FAM184B: variants seen among roughly 807,000 people sequenced by gnomAD.
FAM184B encodes family with sequence similarity 184 member B, also known as protein FAM184B.
A neutral mutation model predicts 135.9 loss-of-function variants in FAM184B; 111 were observed. The observed-to-expected ratio is 0.82, with a 90% CI of 0.70 to 0.96. FAM184B has a LOEUF of 0.96. Ranked by LOEUF, FAM184B falls within the 40% of genes least tolerant of loss-of-function variation. The probability of loss-of-function intolerance (pLI) is 0.00; values close to 1 mark genes in which losing one functional copy is unlikely to be tolerated. For synonymous variants in FAM184B, 552 were observed against 524.8 expected (o/e 1.05, Z -0.71); for missense variants, 1,375 against 1,323.9 (o/e 1.04, Z -0.60).
At chr4:17,694,317 A>T (rs931743748) in intron 5 of FAM184B, among the ~76,000 whole-genome samples, 3 of 152,120 alleles carry the variant, frequency 2.0e-5, no homozygotes, top group Non-Finnish European at 2.9e-5. Context: ...AGGTCAGCAG[A>T]TCGAGACCAT....
intron 5 of FAM184B, among the ~76,000 whole-genome samples, chr4:17,703,128 G>A (rs1277756893): frequency 6.6e-6 from 1 of 152,154 alleles, no homozygotes; most frequent in East Asian, 1.9e-4. Flanking sequence ...GTGTTCTAAA[G>A]TATGAGGTAC....
At chr4:17,761,362 C>A (rs963358916) in intron 1 of FAM184B, among the ~76,000 whole-genome samples, 2 of 152,180 alleles carry the variant, frequency 1.3e-5, no homozygotes, top group Admixed American at 6.5e-5. Flanking sequence ...CTGCCAGTAC[C>A]TTGAGCTTGG....
intron 7 of FAM184B, among the ~76,000 whole-genome samples, chr4:17,667,230 T>C (rs535701416): frequency 5.9e-5 from 9 of 152,098 alleles, no homozygotes; most frequent in Admixed American, 3.3e-4. Context: ...AAAGTTCTCA[T>C]ATTACAGGTG....
At chr4:17,773,106 C>T (rs1718853408) in intron 1 of FAM184B, among the ~76,000 whole-genome samples, 1 of 152,328 alleles carries the variant, frequency 6.6e-6, no homozygotes, top group Non-Finnish European at 1.5e-5. Context: ...TTCTGCATGT[C>T]CTAGCTCTGT....
chr4:17,780,547 T>A (rs1334706256), intron 1 of FAM184B, among the ~76,000 whole-genome samples: 1 of 152,132 alleles, frequency 6.6e-6, no homozygotes. Context: ...CAGAGCCCCC[T>A]GCACGAGGTA....
intron 1 of FAM184B, among the ~76,000 whole-genome samples, chr4:17,739,005 A>G (rs575963394): frequency 1.3e-5 from 2 of 152,330 alleles, no homozygotes; most frequent in African/African-American, 4.8e-5. Context: ...CAGAATCATG[A>G]GCCAAATAAA....
chr4:17,778,722 G>T (rs1346132705), intron 1 of FAM184B, among the ~76,000 whole-genome samples: 1 of 152,026 alleles, frequency 6.6e-6, no homozygotes, highest in Admixed American at 6.6e-5. Flanking sequence ...TTAGCTGGGG[G>T]TGGTGGTGTG....
rs1347318085 is a variant in FAM184B at position 17,707,658 on chromosome 4, G to A, written c.1021C>T (p.Gln341Ter). Residue 341 changes from glutamine to a stop codon, truncating the protein, a stop_gained, in exon 3 of 18, where the codon CAG becomes TAG. Transcript: ENST00000265018. LOFTEE classifies it high-confidence loss of function. The part of the protein sequence containing the change: ...RMMLQECRGT[Q>*]QTDAMKTELV... ...TTCCAGGGCATCTCACCTGTCTGCT[G>A]TGTCCCACGACACTCCTGCAGCATC... The A allele has an allele frequency of 1.3e-6, 2 of 1,551,616 alleles. No individual in the cohort carries two copies. The highest frequency in any genetic ancestry group is 1.4e-5 in the African/African-American group (1 of 73,054).
chr4:17,697,702 A>G (rs1716897264), intron 5 of FAM184B, among the ~76,000 whole-genome samples: 1 of 152,252 alleles, frequency 6.6e-6, no homozygotes, highest in South Asian at 2.1e-4. Context: ...AACATTGCCA[A>G]GATGTGTTCA....
At chr4:17,734,473 AC>A (rs1717861214) in intron 1 of FAM184B, among the ~76,000 whole-genome samples, 1 of 152,176 alleles carries the variant, frequency 6.6e-6, no homozygotes, top group Non-Finnish European at 1.5e-5. Context: ...ATGAACTCAA[AC>A]AAATTTACAA....
intron 1 of FAM184B, among the ~76,000 whole-genome samples, chr4:17,727,847 C>T (rs1717677535): frequency 6.6e-6 from 1 of 152,104 alleles, no homozygotes; most frequent in African/African-American, 2.4e-5. Context: ...GTCAAACTAA[C>T]CTGATATTTC....
At chr4:17,765,011 A>T (rs1718627607) in intron 1 of FAM184B, among the ~76,000 whole-genome samples, 1 of 152,164 alleles carries the variant, frequency 6.6e-6, no homozygotes, top group Admixed American at 6.5e-5. Context: ...GCCTGCAGTG[A>T]GCTATAATCA....
chr4:17,730,774 C>T (rs938990253), intron 1 of FAM184B, among the ~76,000 whole-genome samples: 6 of 152,146 alleles, frequency 3.9e-5, no homozygotes, highest in Admixed American at 2.6e-4. Context: ...AGGCTTCAGA[C>T]GATCAAACTA....
At chr4:17,643,001 C>T (rs1715367409) in intron 12 of FAM184B, among the ~76,000 whole-genome samples, 2 of 152,242 alleles carry the variant, frequency 1.3e-5, no homozygotes, top group South Asian at 2.1e-4. Flanking sequence ...GAATCTGTGG[C>T]CCAGGCCCCA....
At chr4:17,688,958 G>A (rs924297580) in intron 6 of FAM184B, among the ~76,000 whole-genome samples, 3 of 152,140 alleles carry the variant, frequency 2.0e-5, no homozygotes, top group African/African-American at 7.2e-5. Flanking sequence ...CTCCAAAAGG[G>A]CTGGGATTAT....
At position 17,632,435 on chromosome 4, in the gene FAM184B, T is replaced by A. The variant is rs1714980392; in HGVS notation, c.*97A>T. 8.0e-6 allele frequency: 8 copies of A among 1,002,594 alleles called. No homozygotes were observed. In the South Asian group the frequency reaches 1.2e-4, roughly 15 times the overall value. The allele number at this position is 1,002,594 out of a possible 1,614,324, so 62.1% of individuals were successfully genotyped here. ...AGCTATCATATATAAATCATAAGCA[T>A]ATTATTTGGTTGGTTGGTGTTAGTT... On this transcript the variant is annotated 3_prime_UTR_variant, in exon 18 of 18. Coordinates refer to ENST00000265018, the MANE Select transcript of FAM184B (RefSeq NM_015688.2).
chr4:17,725,658 A>T (rs759585440), intron 1 of FAM184B, among the ~76,000 whole-genome samples: 13 of 152,164 alleles, frequency 8.5e-5, no homozygotes, highest in Non-Finnish European at 1.8e-4. Flanking sequence ...ACTAATGGTG[A>T]CAGTCTCCCT....
chr4:17,678,351 AT>A (rs1417964270), intron 7 of FAM184B, among the ~76,000 whole-genome samples: 1 of 152,210 alleles, frequency 6.6e-6, no homozygotes, highest in Non-Finnish European at 1.5e-5. Flanking sequence ...ATGTATACAA[AT>A]CAGTAGCTCT....
chr4:17,661,179 C>T (rs1331916975), intron 8 of FAM184B, among the ~76,000 whole-genome samples: 1 of 152,182 alleles, frequency 6.6e-6, no homozygotes, highest in Non-Finnish European at 1.5e-5. Context: ...GTTAATAATG[C>T]TGCCTTTTCC....
Sources: allele counts gnomAD v4.1 joint callset (sites outside exome capture counted in the v4.1 genomes callset), GRCh38; gene constraint gnomAD v4.1.1; transcripts MANE v1.5; gene names NCBI Gene and HGNC (gene_info 2026-07-23, HGNC 2026-07-21).